Variants in LRRTM4 observed in about 807,000 individuals in gnomAD.
LRRTM4 encodes leucine-rich repeat transmembrane neuronal protein 4.
A neutral mutation model predicts 47.6 loss-of-function variants in LRRTM4; 25 were observed. The observed-to-expected ratio is 0.53, with a 90% CI of 0.38 to 0.73. LRRTM4 has a LOEUF of 0.73. LRRTM4 is among the 30% of genes least tolerant of loss of function. The pLI, the probability that LRRTM4 is intolerant of heterozygous loss-of-function variation, is 0.00. For missense variants in LRRTM4, 638 were observed against 713.4 expected (o/e 0.89, Z 1.20); for synonymous variants, 311 against 269.5 (o/e 1.15, Z -1.51).
intron 3 of LRRTM4, among the ~76,000 whole-genome samples, chr2:77,013,914 G>A (rs1250088671): frequency 6.6e-6 from 1 of 152,150 alleles, no homozygotes; most frequent in African/African-American, 2.4e-5. Context: ...TTTCCTGTAG[G>A]TAAAATTAAG....
chr2:77,062,440 A>T (rs1384636412), intron 3 of LRRTM4, among the ~76,000 whole-genome samples: 1 of 152,178 alleles, frequency 6.6e-6, no homozygotes, highest in East Asian at 1.9e-4. Flanking sequence ...TACACTTGCA[A>T]TTTAAGGCAA....
intron 3 of LRRTM4, among the ~76,000 whole-genome samples, chr2:77,351,254 C>A (rs2104296445): frequency 6.6e-6 from 1 of 151,110 alleles, no homozygotes; most frequent in Non-Finnish European, 1.5e-5. Context: ...ATTGATATAG[C>A]TCACTGTGAA....
At chr2:77,049,685 T>C (rs1444854011) in intron 3 of LRRTM4, among the ~76,000 whole-genome samples, 2 of 152,036 alleles carry the variant, frequency 1.3e-5, no homozygotes, top group Non-Finnish European at 2.9e-5. Context: ...TTATTATTAA[T>C]ATTAACCACT....
chr2:77,051,428 G>A (rs1573503117), intron 3 of LRRTM4, among the ~76,000 whole-genome samples: 4 of 152,234 alleles, frequency 2.6e-5, no homozygotes, highest in Admixed American at 2.6e-4. Context: ...AGTTCTCAGT[G>A]TCAAATGAAT....
intron 3 of LRRTM4, among the ~76,000 whole-genome samples, chr2:77,012,215 T>C (rs1048785515): frequency 1.3e-5 from 2 of 152,120 alleles, no homozygotes; most frequent in Non-Finnish European, 2.9e-5. Flanking sequence ...CTCAAGTATT[T>C]CTAGGTCCTG....
intron 3 of LRRTM4, among the ~76,000 whole-genome samples, chr2:77,371,004 A>G (rs1042295308): frequency 6.6e-6 from 1 of 151,872 alleles, no homozygotes; most frequent in South Asian, 2.1e-4. Flanking sequence ...GGGGAGGACC[A>G]CATCAAGCAG....
chr2:76,997,921 T>A (rs62171964), intron 3 of LRRTM4, among the ~76,000 whole-genome samples: 18,459 of 150,862 alleles, frequency 0.12, 1,384 homozygotes, highest in Admixed American at 0.19. Context: ...GGGATCTAGG[T>A]TGCACACTCC....
At chr2:77,363,686 C>G (rs1047235239) in intron 3 of LRRTM4, among the ~76,000 whole-genome samples, 16 of 152,154 alleles carry the variant, frequency 1.1e-4, no homozygotes, top group African/African-American at 3.9e-4. Flanking sequence ...AAAATGCTTT[C>G]TCATTATCAT....
At chr2:76,990,218 C>T (rs1260119383) in intron 3 of LRRTM4, among the ~76,000 whole-genome samples, 1 of 151,734 alleles carries the variant, frequency 6.6e-6, no homozygotes, top group African/African-American at 2.4e-5. Context: ...CTTCCTTTTG[C>T]TTTCTAAAAA....
intron 3 of LRRTM4, among the ~76,000 whole-genome samples, chr2:77,054,958 G>A (rs370072462): frequency 1.2e-4 from 18 of 152,288 alleles, no homozygotes; most frequent in African/African-American, 2.6e-4. Context: ...TTAGCAACCA[G>A]ATCACTTGCT....
chr2:77,176,107 G>A lies in LRRTM4; in HGVS notation c.1551+342211C>T, dbSNP rs187710076. On this transcript the variant is annotated intron_variant, in intron 3 of 3. Coordinates refer to ENST00000409884, the MANE Select transcript of LRRTM4 (RefSeq NM_001134745.3). Reference sequence around the variant, plus strand: ...CACCGGAGATCCCCTTAATGTGTATGAATGCTTGAGGCTTTGTAAATTAGG... The same window carrying A: ...CACCGGAGATCCCCTTAATGTGTATAAATGCTTGAGGCTTTGTAAATTAGG... Among the ~76,000 whole-genome samples, 313 of 152,104 alleles carry A rather than the reference G, an allele frequency of 2.1e-3. 2 individuals are homozygous for A. The highest frequency in any genetic ancestry group is 7.1e-3 in the African/African-American group (296 of 41,472).
intron 3 of LRRTM4, among the ~76,000 whole-genome samples, chr2:77,285,738 T>C (rs2104112381): frequency 6.8e-6 from 1 of 147,918 alleles, no homozygotes; most frequent in Non-Finnish European, 1.5e-5. Flanking sequence ...GAAGACTCCA[T>C]CTCAAAAAAA....
intron 3 of LRRTM4, among the ~76,000 whole-genome samples, chr2:76,936,562 G>A (rs1301186005): frequency 1.4e-5 from 2 of 145,840 alleles, no homozygotes; most frequent in Non-Finnish European, 3.0e-5. Flanking sequence ...TTCTGCACAT[G>A]TATCTCAGAA....
At chr2:77,399,615 T>C (rs1673861451) in intron 3 of LRRTM4, among the ~76,000 whole-genome samples, 1 of 151,380 alleles carries the variant, frequency 6.6e-6, no homozygotes, top group East Asian at 1.9e-4. Flanking sequence ...TAAACTAAAC[T>C]AAAGACCGTT....
intron 3 of LRRTM4, among the ~76,000 whole-genome samples, chr2:77,000,960 T>C (rs796368673): frequency 2.6e-5 from 4 of 152,208 alleles, no homozygotes; most frequent in African/African-American, 9.6e-5. Flanking sequence ...GAAGCTACCT[T>C]ATACCTCAGG....
intron 3 of LRRTM4, among the ~76,000 whole-genome samples, chr2:77,318,796 A>AT (rs1321635806): frequency 6.6e-6 from 1 of 152,202 alleles, no homozygotes; most frequent in African/African-American, 2.4e-5. Context: ...ATAAACATTT[A>AT]TAAGAATTAA....
chr2:76,771,041 CTGTT>C (rs200131752), intron 3 of LRRTM4, among the ~76,000 whole-genome samples: 382 of 152,274 alleles, frequency 2.5e-3, no homozygotes, highest in African/African-American at 8.8e-3. Context: ...TTGTAGATGT[CTGTT>C]TAATGATGTT....
intron 3 of LRRTM4, among the ~76,000 whole-genome samples, chr2:76,824,475 C>T (rs77388943): frequency 0.045 from 6,763 of 151,578 alleles, 441 homozygotes; most frequent in African/African-American, 0.14. Context: ...AGCACATATA[C>T]ACTCAATTTA....
intron 3 of LRRTM4, among the ~76,000 whole-genome samples, chr2:77,402,880 T>G (rs573540177): frequency 2.6e-5 from 4 of 152,142 alleles, no homozygotes; most frequent in African/African-American, 9.6e-5. Flanking sequence ...TTCATGGATA[T>G]CTATACTTGA....
Sources: gnomAD v4.1 joint callset for allele counts (sites outside exome capture counted in the v4.1 genomes callset) on GRCh38, gnomAD v4.1.1 for gene constraint, MANE v1.5 for transcripts, NCBI Gene and HGNC (gene_info 2026-07-23, HGNC 2026-07-21) for gene names.